The following CNTN5 variants were observed in gnomAD, a reference collection of about 807,000 sequenced individuals.
CNTN5 encodes contactin-5.
In CNTN5, 77 loss-of-function variants were observed where a neutral mutation model predicts 129.1. The observed-to-expected ratio is 0.60, with a 90% CI of 0.50 to 0.72. The LOEUF is 0.72. Among genes scored for constraint, CNTN5 ranks in the 30% least tolerant of loss-of-function variants. The pLI, the probability that CNTN5 is intolerant of heterozygous loss-of-function variation, is 0.00. For missense variants in CNTN5, 1,478 were observed against 1,328.8 expected, an observed-to-expected ratio of 1.11 and a Z score of -1.75; for synonymous variants, 509 against 465.6, an observed-to-expected ratio of 1.09 and a Z score of -1.20.
intron 13 of CNTN5, among the ~76,000 whole-genome samples, chr11:100,151,017 G>A (rs1947035213): frequency 6.6e-6 from 1 of 152,044 alleles, no homozygotes; most frequent in South Asian, 2.1e-4. Flanking sequence ...CCAGGAGGAA[G>A]GTTGTCACCA....
At chr11:99,255,550 C>T (rs1193394314) in intron 1 of CNTN5, among the ~76,000 whole-genome samples, 3 of 151,158 alleles carry the variant, frequency 2.0e-5, no homozygotes, top group African/African-American at 7.3e-5. Flanking sequence ...TCTAAGATTG[C>T]TATCATTTTA....
intron 7 of CNTN5, among the ~76,000 whole-genome samples, chr11:99,919,213 G>A (rs773360038): frequency 5.3e-4 from 81 of 152,078 alleles, no homozygotes; most frequent in Non-Finnish European, 2.1e-4. Flanking sequence ...GTATAGTATA[G>A]CATATGCATT....
chr11:99,143,321 A>AATAT (rs10683777), intron 1 of CNTN5, among the ~76,000 whole-genome samples: 134,176 of 147,360 alleles, frequency 0.91, 61,345 homozygotes, highest in East Asian at 0.99. Context: ...TATATTTTAA[A>AATAT]ATATGTAATA....
intron 7 of CNTN5, among the ~76,000 whole-genome samples, chr11:99,937,297 TGGAGGA>T (rs1191615248): frequency 6.6e-6 from 1 of 152,218 alleles, no homozygotes; most frequent in African/African-American, 2.4e-5. Context: ...AAAGCTGGTC[TGGAGGA>T]TAGCCATATA....
At chr11:99,785,575 C>T (rs980922552) in intron 3 of CNTN5, among the ~76,000 whole-genome samples, 4 of 152,098 alleles carry the variant, frequency 2.6e-5, no homozygotes, top group Admixed American at 2.6e-4. Flanking sequence ...TCCTGATGAA[C>T]ATCGACGCAA....
intron 7 of CNTN5, among the ~76,000 whole-genome samples, chr11:99,956,367 A>T (rs1950802407): frequency 1.3e-5 from 2 of 152,166 alleles, no homozygotes; most frequent in African/African-American, 4.8e-5. Context: ...TTCTTTGATA[A>T]GTTTAATTGC....
At chr11:99,695,823 G>A (rs1031124618) in intron 3 of CNTN5, among the ~76,000 whole-genome samples, 11 of 152,120 alleles carry the variant, frequency 7.2e-5, no homozygotes, top group African/African-American at 2.2e-4. Context: ...ATAACCTTAT[G>A]CAAATTACTA....
intron 15 of CNTN5, among the ~76,000 whole-genome samples, chr11:100,209,960 T>C (rs555797556): frequency 6.6e-6 from 1 of 152,262 alleles, no homozygotes; most frequent in South Asian, 2.1e-4. Context: ...TATGAACCTG[T>C]AGCTAATCTA....
At chr11:99,797,657 A>G (rs1057167192) in intron 3 of CNTN5, among the ~76,000 whole-genome samples, 3 of 151,974 alleles carry the variant, frequency 2.0e-5, no homozygotes, top group African/African-American at 7.2e-5. Context: ...TGTTTTAAGT[A>G]CTTAAAAATT....
rs1949778101 is a variant in CNTN5 at position 99,915,962 on chromosome 11, A to G, written c.578-92A>G. ...TTAACAAACAAAAGACACCTTGTGA[A>G]GATAACGATAGAAAGTAAGTACAAG... On this transcript the variant is annotated intron_variant, in intron 6 of 24. Coordinates refer to ENST00000524871, the MANE Select transcript of CNTN5 (RefSeq NM_014361.4). The G allele has an allele frequency of 5.3e-6, 5 of 940,424 alleles. No homozygotes were observed. In the South Asian group the frequency reaches 7.6e-5, roughly 14 times the overall value. The allele number at this position is 940,424 out of a possible 1,614,324, so 58.3% of individuals were successfully genotyped here.
intron 1 of CNTN5, among the ~76,000 whole-genome samples, chr11:99,171,798 G>A (rs1057511718): frequency 1.9e-4 from 29 of 152,190 alleles, no homozygotes; most frequent in Middle Eastern, 6.8e-3. Flanking sequence ...TATCATTAAA[G>A]TATTAATAAT....
intron 1 of CNTN5, among the ~76,000 whole-genome samples, chr11:99,056,834 A>C (rs1257879013): frequency 2.6e-5 from 4 of 152,068 alleles, no homozygotes; most frequent in Admixed American, 2.6e-4. Context: ...GAAATGTAGA[A>C]AATATTTACA....
chr11:99,204,823 C>G lies in CNTN5; in HGVS notation c.-209-120523C>G, dbSNP rs373472471. 3.9e-5 allele frequency among the ~76,000 whole-genome samples: 6 copies of G among 152,294 alleles called. No individual in the cohort carries two copies. The East Asian group carries it at 1.2e-3, about 29-fold the overall frequency. On this transcript the variant is annotated intron_variant, in intron 1 of 24. Transcript: ENST00000524871. ...GCGTGGAGGTATTCAGATATGAACT[C>G]TCTTTGCTTCTAAATATTAAGCCTA...
chr11:99,639,285 A>G (rs1951679545), intron 3 of CNTN5, among the ~76,000 whole-genome samples: 1 of 152,176 alleles, frequency 6.6e-6, no homozygotes, highest in East Asian at 1.9e-4. Context: ...GGCCTGGCCC[A>G]TGAAACCACT....
intron 3 of CNTN5, among the ~76,000 whole-genome samples, chr11:99,672,196 G>A (rs10790881): frequency 2.6e-5 from 4 of 151,926 alleles, no homozygotes; most frequent in African/African-American, 4.8e-5. Flanking sequence ...GCCCATGACA[G>A]CTGTCTGTGG....
In CNTN5 at chr11:100,073,181, A is replaced by T. The variant is rs564220573; in HGVS notation, c.1430-963A>T. ...CTTGCCTCAGCGTCCCAAGTAGCTGAGACTACAGGCACCCACAGCCACACC... is the reference window on the plus strand; with the variant it reads ...CTTGCCTCAGCGTCCCAAGTAGCTGTGACTACAGGCACCCACAGCCACACC... On this transcript the variant is annotated intron_variant, in intron 12 of 24. Transcript: ENST00000524871. 2.6e-5 allele frequency among the ~76,000 whole-genome samples: 4 copies of T among 151,930 alleles called. No individual in the cohort carries two copies. In the South Asian group the frequency reaches 8.3e-4, roughly 31 times the overall value.
intron 3 of CNTN5, among the ~76,000 whole-genome samples, chr11:99,786,811 C>G (rs1945542964): frequency 6.6e-6 from 1 of 152,258 alleles, no homozygotes. Context: ...ATGCAGAAAA[C>G]TGAAACTGGA....
chr11:100,077,671 AG>A (rs1565218820), intron 13 of CNTN5, among the ~76,000 whole-genome samples: 16 of 152,080 alleles, frequency 1.1e-4, no homozygotes, highest in Non-Finnish European at 2.4e-4. Context: ...AAAATAAAAA[AG>A]AAGAAAAAAC....
chr11:99,431,327 TAGA>T (rs951595813), intron 2 of CNTN5, among the ~76,000 whole-genome samples: 4 of 151,920 alleles, frequency 2.6e-5, no homozygotes, highest in Non-Finnish European at 4.4e-5. Context: ...TCTACCAACA[TAGA>T]AGGAGGAAAA....
Sources: gnomAD v4.1 joint callset for allele counts (sites outside exome capture counted in the v4.1 genomes callset) on GRCh38, gnomAD v4.1.1 for gene constraint, MANE v1.5 for transcripts, NCBI Gene and HGNC (gene_info 2026-07-23, HGNC 2026-07-21) for gene names.